MYRF: variants seen among roughly 807,000 people sequenced by gnomAD.
MYRF encodes myelin regulatory factor, also known as myelin gene regulatory factor.
Under a neutral mutation model 126.3 loss-of-function variants are expected in MYRF, and 16 were observed. The ratio of observed to expected loss-of-function variants is 0.13; its 90% CI spans 0.09 to 0.19. The LOEUF (loss-of-function observed/expected upper bound fraction) is 0.19, where lower values mean the gene tolerates loss of function less well. MYRF is among the 10% of genes least tolerant of loss of function. The pLI, the probability that MYRF is intolerant of heterozygous loss-of-function variation, is 1.00. For synonymous variants in MYRF, 608 were observed against 635.3 expected, an observed-to-expected ratio of 0.96 and a Z score of 0.65; for missense variants, 1,104 against 1,547.0, an observed-to-expected ratio of 0.71 and a Z score of 4.80.
rs761654989 is a variant in MYRF at position 61,776,440 on chromosome 11, G to A, written c.1499+8G>A. Reference sequence around the variant, plus strand: ...GCCCAACCCGGACCAGAGGTGAGCAGGTGGGGGCCCTGCCCCGGAGCCCCT... The same window carrying A: ...GCCCAACCCGGACCAGAGGTGAGCAAGTGGGGGCCCTGCCCCGGAGCCCCT... On this transcript the variant is annotated splice_region_variant and intron_variant, in intron 10 of 26. Transcript: ENST00000278836. This position sits in a 1 kb window ranked among gnomAD's most constrained non-coding sequence, Gnocchi z 4.3. The A allele has an allele frequency of 6.2e-7, 1 of 1,609,338 alleles. No homozygotes were observed. The highest frequency in any genetic ancestry group is 1.1e-5 in the South Asian group (1 of 90,550).
chr11:61,759,712 G>GC (rs1251393169), intron 1 of MYRF, among the ~76,000 whole-genome samples: 1 of 152,082 alleles, frequency 6.6e-6, no homozygotes, highest in Non-Finnish European at 1.5e-5. Flanking sequence ...TCTGTAGGCA[G>GC]CCTGTGGGGG....
At chr11:61,780,041 A>C in intron 17 of MYRF, 111 bp downstream of exon 17, 1 of 1,242,816 alleles carries the variant, frequency 8.0e-7, no homozygotes, top group Non-Finnish European at 1.2e-6. Flanking sequence ...GTAGCTTGGG[A>C]GATCAGGCAG....
At chr11:61,784,576 C>G (rs1266007921) in intron 25 of MYRF, 191 bp downstream of exon 25, 1 of 584,682 alleles carries the variant, frequency 1.7e-6, no homozygotes, top group Non-Finnish European at 3.1e-6. Flanking sequence ...GTTCATTGCA[C>G]TCTGCTGAGC....
chr11:61,777,584 G>A lies in MYRF; in HGVS notation c.1791+120G>A, dbSNP rs2066421023. 7.2e-7 allele frequency: 1 copy of A among 1,381,252 alleles called. No homozygotes were observed. Among genetic ancestry groups the A allele is most frequent in the African/African-American group, 1.4e-5 (1 of 69,774 alleles). The allele number at this position is 1,381,252 out of a possible 1,614,324, so 85.6% of individuals were successfully genotyped here. On this transcript the variant is annotated intron_variant, in intron 12 of 26. Coordinates refer to ENST00000278836, the MANE Select transcript of MYRF (RefSeq NM_001127392.3). The surrounding 1 kb of genome is among the most constrained non-coding windows in gnomAD (Gnocchi z 8.8). ...GCGGAGCTGCGGGGGAAGGAAGGGA[G>A]GGAGGCTGGCCTCGAATCCCGATCT...
chr11:61,767,403 G>C, intron 3 of MYRF: 1 of 456,590 alleles, frequency 2.2e-6, no homozygotes. Context: ...CACTGCTACC[G>C]TCAGGATTTT....
At chr11:61,768,273 T>C (rs1388105539) in intron 3 of MYRF, among the ~76,000 whole-genome samples, 1 of 152,166 alleles carries the variant, frequency 6.6e-6, no homozygotes, top group East Asian at 1.9e-4. Flanking sequence ...CACAAGGTGC[T>C]GTGGACTTGG....
Position 61,781,087 on chromosome 11 carries a change from A to G in MYRF, c.2572+42A>G, listed in dbSNP as rs509360. 1,010,350 of 1,610,482 alleles carry G rather than the reference A, an allele frequency of 0.63. 334,631 individuals are homozygous for G. The highest frequency in any genetic ancestry group is 0.8 in the Admixed American group (48,232 of 59,984). ...GTCTGGGTAGGACAGGGAGGTTGCT[A>G]TGTTCTGTCTTTGGGGCTTCTCTGG... On this transcript the variant is annotated intron_variant, in intron 20 of 26. Transcript: ENST00000278836.
In MYRF at chr11:61,776,760, TA is replaced by T. The variant is rs751378931; in HGVS notation, c.1500-26del. 6.4e-7 allele frequency: 1 copy of T among 1,553,376 alleles called. No individual in the cohort carries two copies. ...CCTGGGGGCGGGGGCAGGCCATGAG[TA>T]CTTCTGAGACCCCTGTGTGTCCCAG... On this transcript the variant is annotated intron_variant, in intron 10 of 26. Transcript: ENST00000278836. The surrounding 1 kb of genome is among the most constrained non-coding windows in gnomAD (Gnocchi z 4.3).
rs767912592 is a variant in MYRF, at chr11:61,777,470, G to C, written c.1791+6G>C. 1 of 1,599,238 alleles carries C rather than the reference G, an allele frequency of 6.3e-7. No homozygotes were observed. Among genetic ancestry groups the C allele is most frequent in the Non-Finnish European group, 8.5e-7 (1 of 1,173,740 alleles). On this transcript the variant is annotated splice_donor_region_variant and intron_variant, in intron 12 of 26. Transcript: ENST00000278836. The surrounding 1 kb of genome is among the most constrained non-coding windows in gnomAD (Gnocchi z 8.8). ...CCAAGGAACACGTGCAGGAGGTGGG[G>C]ACAGGGCTGTGGGGGCCGGGCGGGT...
intron 1 of MYRF, among the ~76,000 whole-genome samples, chr11:61,759,048 T>C (rs1231842828): frequency 6.6e-6 from 1 of 152,212 alleles, no homozygotes; most frequent in Non-Finnish European, 1.5e-5. Context: ...CTTACATATA[T>C]GTGTGTGTGT....
intron 8 of MYRF, among the ~76,000 whole-genome samples, chr11:61,774,696 A>G (rs1312440070): frequency 7.0e-6 from 1 of 143,000 alleles, no homozygotes; most frequent in Non-Finnish European, 1.5e-5. Context: ...TGGGCTCATC[A>G]ACCTGCCTCC....
At position 61,778,787 on chromosome 11, in the gene MYRF, A is replaced by C. The variant is rs1334491612; in HGVS notation, c.2013+298A>C. 3.4e-6 allele frequency: 2 copies of C among 584,266 alleles called. No homozygotes were observed. Among genetic ancestry groups the C allele is most frequent in the Admixed American group, 4.3e-5 (2 of 46,154 alleles). 36.2% of individuals were successfully genotyped at this position (584,266 alleles called of 1,614,324 possible). A position where few individuals can be genotyped will look rare whatever the true frequency, so the allele number is the denominator to read the frequency against. On this transcript the variant is annotated intron_variant, in intron 14 of 26. Coordinates refer to ENST00000278836, the MANE Select transcript of MYRF (RefSeq NM_001127392.3). This position sits in a 1 kb window ranked among gnomAD's most constrained non-coding sequence, Gnocchi z 4.6. ...AGGGCGGTAATAGAACTGCACAGAC[A>C]TCCTCGTATGGTTACCTCCAGGCTG... is the stretch of plus-strand genomic sequence containing the variant.
At chr11:61,768,117 CAA>C (rs561078800) in intron 3 of MYRF, among the ~76,000 whole-genome samples, 19 of 60,304 alleles carry the variant, frequency 3.2e-4, no homozygotes, top group East Asian at 4.6e-4. Context: ...GACTCTGTCT[CAA>C]AAAAAAAAAA....
Position 61,786,196 on chromosome 11 carries a change from C to CTGGT in MYRF, c.*53_*54insTGGT. Reference sequence around the variant, plus strand: ...AGGGACCAGGGGTGCCCAGGCACCCCCCAACACTGGATGCAATGGTGTTAC... The same window carrying CTGGT: ...AGGGACCAGGGGTGCCCAGGCACCCCTGGTCCAACACTGGATGCAATGGTGTTAC... On this transcript the variant is annotated 3_prime_UTR_variant, in exon 27 of 27. Coordinates refer to ENST00000278836, the MANE Select transcript of MYRF (RefSeq NM_001127392.3). This position sits in a 1 kb window ranked among gnomAD's most constrained non-coding sequence, Gnocchi z 4.5. 6.5e-7 allele frequency: 1 copy of CTGGT among 1,545,056 alleles called. No individual in the cohort carries two copies. The highest frequency in any genetic ancestry group is 8.9e-7 in the Non-Finnish European group (1 of 1,118,544).
Position 61,776,832 on chromosome 11 carries a change from G to A in MYRF, c.1545G>A (p.Gln515=), listed in dbSNP as rs1281207550. 2 of 1,608,996 alleles carry A rather than the reference G, an allele frequency of 1.2e-6. No individual in the cohort carries two copies. ...VVALQAHAQN[Q]NYTLAAQISE... ...CCCTCCAGGCTCATGCACAGAACCA[G>A]AACTACACGCTGGCCGCCCAGATCT... is the stretch of plus-strand genomic sequence containing the variant. Residue 515 remains glutamine (Q), a synonymous_variant, in exon 11 of 27, where the codon CAG becomes CAA. Transcript: ENST00000278836. The surrounding 1 kb of genome is among the most constrained non-coding windows in gnomAD (Gnocchi z 4.3).
chr11:61,752,855 G>A, intron 1 of MYRF, 65 bp downstream of exon 1: 1 of 1,404,228 alleles, frequency 7.1e-7, no homozygotes, highest in Non-Finnish European at 9.4e-7. Flanking sequence ...GATCTCCCCG[G>A]GAACTGGGGC....
chr11:61,779,139 G>T lies in MYRF; in HGVS notation c.2014-124G>T, dbSNP rs538637343. 1.4e-5 allele frequency: 15 copies of T among 1,062,616 alleles called. No individual in the cohort carries two copies. The South Asian group carries it at 2.4e-4, about 17-fold the overall frequency. The allele number at this position is 1,062,616 out of a possible 1,614,324, so 65.8% of individuals were successfully genotyped here. ...CCGCCCAGGTAGGGAGACTTTGAGG[G>T]CCTCCCAGTGGCCAAGGACAGTGGC... On this transcript the variant is annotated intron_variant, in intron 14 of 26. Transcript: ENST00000278836.
intron 17 of MYRF, 74 bp downstream of exon 17, chr11:61,780,004 G>A (rs1268190215): frequency 5.7e-6 from 8 of 1,397,170 alleles, no homozygotes; most frequent in Non-Finnish European, 7.0e-6. Context: ...GCTGCCCATG[G>A]GCTCAGGCCT....
rs1353557419 is a variant in MYRF at position 61,785,780 on chromosome 11, C to T, written c.3301-20C>T. The T allele has an allele frequency of 6.2e-7, 1 of 1,610,182 alleles. No homozygotes were observed. The highest frequency in any genetic ancestry group is 8.5e-7 in the Non-Finnish European group (1 of 1,176,404). ...ATAAGGGCAGCAGTCTGTCCTGACC[C>T]CTCTCTCCCTTCTCTCCAGGGCACC... On this transcript the variant is annotated intron_variant, in intron 25 of 26. Transcript: ENST00000278836.
Sources: gnomAD v4.1 joint callset for allele counts (sites outside exome capture counted in the v4.1 genomes callset) on GRCh38, gnomAD v4.1.1 for gene constraint, Gnocchi (gnomAD v3.1) non-coding constraint, MANE v1.5 for transcripts, NCBI Gene and HGNC (gene_info 2026-07-23, HGNC 2026-07-21) for gene names.